The following TLK1 variants were observed in gnomAD, a reference collection of about 807,000 sequenced individuals.
The protein encoded by TLK1 is serine/threonine-protein kinase tousled-like 1.
Under a neutral mutation model 105.3 loss-of-function variants are expected in TLK1, and 24 were observed. The observed-to-expected ratio is 0.23, with a 90% CI of 0.17 to 0.32. TLK1 has a LOEUF of 0.32. Among genes scored for constraint, TLK1 ranks in the 10% least tolerant of loss-of-function variants. The pLI is 1.00. For missense variants in TLK1, 558 were observed against 910.5 expected (o/e 0.61, Z 4.98); for synonymous variants, 321 against 310.4 (o/e 1.03, Z -0.36).
chr2:171,134,895 C>T (rs1399738196), intron 1 of TLK1, among the ~76,000 whole-genome samples: 3 of 151,602 alleles, frequency 2.0e-5, no homozygotes, highest in Non-Finnish European at 2.9e-5. Flanking sequence ...GCCACTGAGC[C>T]GGACCTATTC....
intron 18 of TLK1, among the ~76,000 whole-genome samples, chr2:171,003,810 C>A (rs558405536): frequency 6.6e-6 from 1 of 152,318 alleles, no homozygotes; most frequent in African/African-American, 2.4e-5. Context: ...GCAAATAGCA[C>A]CAGGTACAGT....
intron 13 of TLK1, among the ~76,000 whole-genome samples, chr2:171,013,676 T>C (rs1168169867): frequency 6.6e-6 from 1 of 152,210 alleles, no homozygotes; most frequent in Non-Finnish European, 1.5e-5. Flanking sequence ...CACAATGGAA[T>C]GATCTGTGTA....
At chr2:171,023,441 A>C (rs889164812) in intron 12 of TLK1, among the ~76,000 whole-genome samples, 2 of 151,606 alleles carry the variant, frequency 1.3e-5, no homozygotes, top group Non-Finnish European at 2.9e-5. Flanking sequence ...ACACACACCA[A>C]AACACACACA....
intron 1 of TLK1, among the ~76,000 whole-genome samples, chr2:171,184,218 C>A (rs1250864205): frequency 6.6e-6 from 1 of 152,098 alleles, no homozygotes; most frequent in Non-Finnish European, 1.5e-5. Flanking sequence ...CCTAGAGAAT[C>A]CAAAAAGCAG....
chr2:171,192,667 G>A (rs2105314777), intron 1 of TLK1, among the ~76,000 whole-genome samples: 1 of 152,056 alleles, frequency 6.6e-6, no homozygotes, highest in South Asian at 2.1e-4. Context: ...GTGACAGAGT[G>A]AGACTCCATC....
chr2:171,068,486 A>C (rs889410501), intron 3 of TLK1, among the ~76,000 whole-genome samples: 2 of 152,114 alleles, frequency 1.3e-5, no homozygotes, highest in African/African-American at 2.4e-5. Flanking sequence ...TTCTTTTTTT[A>C]AATTGCTCTA....
At chr2:171,023,040 C>T in intron 12 of TLK1, 1 of 470,986 alleles carries the variant, frequency 2.1e-6, no homozygotes, top group Admixed American at 2.3e-5. Flanking sequence ...GATGCTGCTG[C>T]TGCCTGTTAC....
intron 1 of TLK1, among the ~76,000 whole-genome samples, chr2:171,178,365 T>A (rs1010472833): frequency 2.0e-5 from 3 of 152,216 alleles, no homozygotes; most frequent in Admixed American, 2.0e-4. Flanking sequence ...TCCTTTCAGT[T>A]TCCACAGATA....
chr2:171,015,510 TTA>T (rs1685137616), intron 12 of TLK1, among the ~76,000 whole-genome samples: 2 of 142,708 alleles, frequency 1.4e-5, no homozygotes, highest in Non-Finnish European at 3.0e-5. Context: ...AACAAAAAAT[TTA>T]TAGATTGCTG....
At chr2:171,187,057 C>CAAAAAAAAAAAAAAAAAAAAA (rs71013019) in intron 1 of TLK1, among the ~76,000 whole-genome samples, 8 of 34,056 alleles carry the variant, frequency 2.3e-4, no homozygotes, top group African/African-American at 2.7e-4. Context: ...GACTCTGTCT[C>CAAAAAAAAAAAAAAAAAAAAA]AAAAAAAAAA....
At chr2:171,000,337 C>T (rs1163524367) in intron 18 of TLK1, among the ~76,000 whole-genome samples, 1 of 144,072 alleles carries the variant, frequency 6.9e-6, no homozygotes, top group Non-Finnish European at 1.5e-5. Flanking sequence ...CAAGACTGTG[C>T]CATTGCACTG....
intron 12 of TLK1, among the ~76,000 whole-genome samples, chr2:171,018,833 T>C (rs1200075730): frequency 1.3e-5 from 2 of 152,268 alleles, no homozygotes; most frequent in African/African-American, 2.4e-5. Context: ...CTGGTCTCTG[T>C]AGGCTATTAC....
intron 12 of TLK1, among the ~76,000 whole-genome samples, chr2:171,018,859 T>C (rs976673997): frequency 6.6e-6 from 1 of 152,094 alleles, no homozygotes; most frequent in African/African-American, 2.4e-5. Flanking sequence ...AGAAGAGACA[T>C]AAGTAAGAAC....
At chr2:171,136,858 A>C (rs1174499353) in intron 1 of TLK1, among the ~76,000 whole-genome samples, 1 of 152,214 alleles carries the variant, frequency 6.6e-6, no homozygotes, top group Admixed American at 6.5e-5. Context: ...AAATATTATA[A>C]GGTAAAAAAA....
At chr2:171,182,279 T>G (rs1692941253) in intron 1 of TLK1, among the ~76,000 whole-genome samples, 1 of 152,228 alleles carries the variant, frequency 6.6e-6, no homozygotes, top group African/African-American at 2.4e-5. Context: ...CTCAAAGTAC[T>G]TTCCCCCAAA....
At chr2:171,108,524 TAAAC>T (rs957985218) in intron 2 of TLK1, among the ~76,000 whole-genome samples, 3 of 151,776 alleles carry the variant, frequency 2.0e-5, no homozygotes, top group Non-Finnish European at 2.9e-5. Flanking sequence ...AAAAATGTAA[TAAAC>T]AAAACTCACC....
intron 1 of TLK1, among the ~76,000 whole-genome samples, chr2:171,177,749 G>T (rs1453111390): frequency 6.6e-6 from 1 of 152,086 alleles, no homozygotes; most frequent in Admixed American, 6.5e-5. Context: ...GTGCATTTTT[G>T]AACAAAAAGC....
chr2:171,106,500 C>G (rs1034746726), intron 2 of TLK1, among the ~76,000 whole-genome samples: 1 of 152,034 alleles, frequency 6.6e-6, no homozygotes, highest in Non-Finnish European at 1.5e-5. Context: ...AGCAGAAAAA[C>G]AAAAAATGAA....
chr2:171,097,226 G>A (rs1044545843), intron 2 of TLK1, among the ~76,000 whole-genome samples: 2 of 152,208 alleles, frequency 1.3e-5, no homozygotes, highest in Admixed American at 6.5e-5. Context: ...ACACAATGGG[G>A]AAAGGATAGT....
Sources: allele counts gnomAD v4.1 joint callset (sites outside exome capture counted in the v4.1 genomes callset), GRCh38; gene constraint gnomAD v4.1.1; transcripts MANE v1.5; gene names NCBI Gene and HGNC (gene_info 2026-07-23, HGNC 2026-07-21).